Variants in KATNAL2 observed in about 807,000 individuals in gnomAD.
KATNAL2 encodes the protein katanin catalytic subunit A1 like 2.
KATNAL2 carries 52 observed loss-of-function variants against 76.3 expected under a neutral mutation model. The observed-to-expected ratio is 0.68, with a 90% CI of 0.55 to 0.86. The LOEUF (loss-of-function observed/expected upper bound fraction) is 0.86. Among genes scored for constraint, KATNAL2 ranks in the 40% least tolerant of loss-of-function variants. The pLI, the probability that KATNAL2 is intolerant of heterozygous loss-of-function variation, is 0.00. For synonymous variants in KATNAL2, 243 were observed against 244.2 expected (o/e 1.00, Z 0.05); for missense variants, 660 against 668.9 (o/e 0.99, Z 0.15).
intron 15 of KATNAL2, among the ~76,000 whole-genome samples, chr18:47,082,902 T>A (rs566970038): frequency 2.3e-4 from 35 of 152,346 alleles, no homozygotes; most frequent in African/African-American, 8.2e-4. Context: ...TTCCCACTAG[T>A]GTCCTGCTTT....
intron 10 of KATNAL2, among the ~76,000 whole-genome samples, chr18:47,063,700 A>C (rs1187009551): frequency 2.0e-5 from 3 of 152,212 alleles, no homozygotes; most frequent in Non-Finnish European, 4.4e-5. Flanking sequence ...GTATGTCTGC[A>C]TCTGGTTTAA....
In KATNAL2 at chr18:47,099,226, T is replaced by C; in HGVS notation, c.1212-17T>C. The C allele has an allele frequency of 6.2e-7, 1 of 1,600,292 alleles. No homozygotes were observed. The highest frequency in any genetic ancestry group is 8.5e-7 in the Non-Finnish European group (1 of 1,171,740). ...TGTTTGCAGCCCTGTCCAGCTCCATTTCTGGTGTGATTTCAGGGAGCTGGA... is the reference window on the plus strand; with the variant it reads ...TGTTTGCAGCCCTGTCCAGCTCCATCTCTGGTGTGATTTCAGGGAGCTGGA... On this transcript the variant is annotated splice_polypyrimidine_tract_variant and intron_variant, in intron 15 of 17. Coordinates refer to ENST00000683218, the MANE Select transcript of KATNAL2 (RefSeq NM_001387690.1).
intron 1 of KATNAL2, among the ~76,000 whole-genome samples, chr18:46,922,259 A>G: frequency 6.6e-6 from 1 of 151,748 alleles, no homozygotes; most frequent in South Asian, 2.1e-4. Context: ...CACCACTCTC[A>G]GCTAATTTTT....
In KATNAL2 at chr18:47,058,341, C is replaced by T. The variant is rs766530306; in HGVS notation, c.439C>T (p.His147Tyr). The T allele has an allele frequency of 1.9e-5, 30 of 1,607,228 alleles. No individual in the cohort carries two copies. Among genetic ancestry groups the T allele is most frequent in the Non-Finnish European group, 2.4e-5 (28 of 1,173,852 alleles). ...GGACACCAAATCGCTCAATAAGGAG[C>T]ATCCTAATCAGGTCAGGATGGCTTG... ...TGDTKSLNKEHPNQEVVDNTR... is the reference protein window; with the variant it reads ...TGDTKSLNKEYPNQEVVDNTR... The change falls in exon 7 of 18, where the codon CAT becomes TAT. Residue 147 changes from histidine to tyrosine, a missense_variant. By Grantham distance (83) the His-to-Tyr change is moderately conservative. Coordinates refer to ENST00000683218, the MANE Select transcript of KATNAL2 (RefSeq NM_001387690.1).
intron 3 of KATNAL2, chr18:47,035,338 T>C: frequency 1.2e-6 from 2 of 1,604,002 alleles, no homozygotes; most frequent in Admixed American, 3.4e-5. Flanking sequence ...ACAGGAAGTC[T>C]GGGGTGGCCG....
intron 3 of KATNAL2, among the ~76,000 whole-genome samples, chr18:47,035,783 G>A (rs190444683): frequency 6.6e-6 from 1 of 152,194 alleles, no homozygotes; most frequent in Non-Finnish European, 1.5e-5. Context: ...TTCCATGTTC[G>A]CAGGTTCCAC....
intron 1 of KATNAL2, among the ~76,000 whole-genome samples, chr18:46,924,410 G>T (rs539074762): frequency 6.6e-6 from 1 of 152,156 alleles, no homozygotes; most frequent in East Asian, 1.9e-4. Flanking sequence ...ATTTCTGAGG[G>T]CTCTGTTCTG....
intron 15 of KATNAL2, among the ~76,000 whole-genome samples, chr18:47,094,942 C>A (rs1282417008): frequency 6.6e-6 from 1 of 151,960 alleles, no homozygotes; most frequent in African/African-American, 2.4e-5. Context: ...GCAATCAAAC[C>A]CCCTATTTTC....
In KATNAL2 at chr18:47,032,015, C is replaced by G. The variant is rs139207700; in HGVS notation, c.52-14442C>G. On this transcript the variant is annotated intron_variant, in intron 3 of 17. Coordinates refer to ENST00000683218, the MANE Select transcript of KATNAL2 (RefSeq NM_001387690.1). ...AGCAGACGTCCGTGTGATCTGAACT[C>G]AAGGTAGTTAACCCGGTCCTTTCAT... 2.9e-3 allele frequency among the ~76,000 whole-genome samples: 436 copies of G among 152,316 alleles called. 2 individuals carry two copies. Among genetic ancestry groups the G allele is most frequent in the Non-Finnish European group, 3.9e-3 (265 of 68,018 alleles).
intron 8 of KATNAL2, among the ~76,000 whole-genome samples, chr18:47,059,907 G>A (rs189277521): frequency 6.6e-6 from 1 of 152,142 alleles, no homozygotes; most frequent in East Asian, 1.9e-4. Flanking sequence ...GAGGGGCTTG[G>A]AAGAGATTGT....
At chr18:47,053,137 C>T (rs982964422) in intron 5 of KATNAL2, 91 bp downstream of exon 5, 4 of 1,084,744 alleles carry the variant, frequency 3.7e-6, no homozygotes, top group African/African-American at 3.2e-5. Flanking sequence ...TGGAGACCCT[C>T]ACCCTGCACC....
chr18:46,965,585 C>CCCA (rs1569032343), intron 3 of KATNAL2, among the ~76,000 whole-genome samples: 1 of 91,078 alleles, frequency 1.1e-5, no homozygotes, highest in Non-Finnish European at 2.3e-5. Flanking sequence ...ATCCCCGCCC[C>CCCA]CCCCCCCCCG....
Position 47,069,515 on chromosome 18 carries a change from C to A in KATNAL2, c.923C>A (p.Ala308Asp), listed in dbSNP as rs527895349. ...TGKTLLAKAV[A>D]TECKTTFFNI... The stretch of plus-strand genomic sequence containing the variant: ...AAGACTTTACTGGCCAAAGCTGTGG[C>A]CACTGAATGTAAAACAACCTTCTTT... The change falls in exon 13 of 18, where the codon GCC becomes GAC. Residue 308 changes from alanine (A) to aspartate (D), a missense_variant. By Grantham distance (126) the Ala-to-Asp change is moderately radical. Transcript: ENST00000683218. 6.2e-7 allele frequency: 1 copy of A among 1,613,822 alleles called. No individual in the cohort carries two copies. The highest frequency in any genetic ancestry group is 1.1e-5 in the South Asian group (1 of 91,046).
At chr18:47,069,761 C>T (rs1390462591) in intron 13 of KATNAL2, among the ~76,000 whole-genome samples, 161 bp downstream of exon 13, 3 of 152,220 alleles carry the variant, frequency 2.0e-5, no homozygotes, top group Admixed American at 6.5e-5. Flanking sequence ...TTGTCTATTA[C>T]GTGTGGATGT....
chr18:46,920,177 T>A, intron 1 of KATNAL2: 1 of 742,996 alleles, frequency 1.3e-6, no homozygotes, highest in South Asian at 1.4e-5. Flanking sequence ...TGCCCTAGAC[T>A]GGCCTGAGTC....
chr18:47,036,567 A>AAT (rs746169038), intron 3 of KATNAL2, among the ~76,000 whole-genome samples: 2 of 152,208 alleles, frequency 1.3e-5, no homozygotes, highest in East Asian at 1.9e-4. Flanking sequence ...TCTTGGAATA[A>AAT]ATATTTCTGG....
Position 47,057,498 on chromosome 18 carries a change from A to T in KATNAL2, c.333-737A>T, listed in dbSNP as rs184333788. Among the ~76,000 whole-genome samples, 56 of 152,282 alleles carry T rather than the reference A, an allele frequency of 3.7e-4. No homozygotes were observed. In the East Asian group the frequency reaches 8.9e-3, roughly 24 times the overall value. On this transcript the variant is annotated intron_variant, in intron 6 of 17. Transcript: ENST00000683218. ...AACTATGTATACAGTAAATGTATAT[A>T]CTCTTGTAACCACAGTTACAGCCAC...
In KATNAL2 at chr18:47,035,122, C is replaced by G. The variant is rs1462796782; in HGVS notation, c.52-11335C>G. 2.5e-6 allele frequency: 4 copies of G among 1,611,554 alleles called. No homozygotes were observed. In the Middle Eastern group the frequency reaches 6.8e-4, roughly 272 times the overall value. ...CAGGCGCTTCACCGTCTTTCTGATT[C>G]CAGTCTCCGCCAGGATGTCTGCCGT... On this transcript the variant is annotated intron_variant, in intron 3 of 17. Coordinates refer to ENST00000683218, the MANE Select transcript of KATNAL2 (RefSeq NM_001387690.1).
At chr18:47,046,364 C>G in intron 3 of KATNAL2, 93 bp from the exon 4 acceptor site, 3 of 827,524 alleles carry the variant, frequency 3.6e-6, no homozygotes, top group Non-Finnish European at 5.9e-6. Context: ...TGCTGCTTGG[C>G]TTTGACAGGT....
Sources: gnomAD v4.1 joint callset for allele counts (sites outside exome capture counted in the v4.1 genomes callset) on GRCh38, gnomAD v4.1.1 for gene constraint, MANE v1.5 for transcripts, NCBI Gene and HGNC (gene_info 2026-07-23, HGNC 2026-07-21) for gene names.